ZZEF1: variants seen among roughly 807,000 people sequenced by gnomAD.
The protein encoded by ZZEF1 is zinc finger ZZ-type and EF-hand domain-containing protein 1.
ZZEF1 carries 157 observed loss-of-function variants against 342.8 expected under a neutral mutation model. The ratio of observed to expected loss-of-function variants is 0.46; its 90% CI spans 0.40 to 0.52. The LOEUF is 0.52. Among genes scored for constraint, ZZEF1 ranks in the 20% least tolerant of loss-of-function variants. The pLI, the probability that ZZEF1 is intolerant of heterozygous loss-of-function variation, is 0.00. For missense variants in ZZEF1, 3,480 were observed against 3,725.6 expected, an observed-to-expected ratio of 0.93 and a Z score of 1.72; for synonymous variants, 1,505 against 1,429.1, an observed-to-expected ratio of 1.05 and a Z score of -1.20.
intron 37 of ZZEF1, among the ~76,000 whole-genome samples, chr17:4,047,668 C>T (rs993862725): frequency 7.6e-5 from 11 of 144,608 alleles, no homozygotes; most frequent in African/African-American, 2.1e-4. Flanking sequence ...AGTGGCCGGG[C>T]GCAGTGGCTC....
At chr17:4,026,835 T>C (rs954538689) in intron 42 of ZZEF1, among the ~76,000 whole-genome samples, 1 of 152,086 alleles carries the variant, frequency 6.6e-6, no homozygotes, top group African/African-American at 2.4e-5. Context: ...AGTATTTAAG[T>C]ACATCTTTAA....
In ZZEF1 at chr17:4,105,000, G is replaced by T. The variant is rs533309627; in HGVS notation, c.1395-189C>A. Among the ~76,000 whole-genome samples the T allele has an allele frequency of 2.0e-5, 3 of 152,228 alleles. No individual in the cohort carries two copies. The East Asian group carries it at 5.8e-4, about 29-fold the overall frequency. ...AATTAAATCAATCCAGAGAGCCAGG[G>T]AATGAAAGCCTCACTTCTATAATCT... On this transcript the variant is annotated intron_variant, in intron 7 of 54. Coordinates refer to ENST00000381638, the MANE Select transcript of ZZEF1 (RefSeq NM_015113.4).
chr17:4,114,556 G>A (rs184873253), intron 3 of ZZEF1, 86 bp from the exon 4 acceptor site: 165 of 1,138,728 alleles, frequency 1.4e-4, no homozygotes, highest in Middle Eastern at 1.1e-3. Context: ...ACAGAAATAC[G>A]CTTGGTACTC....
At chr17:4,132,692 TGTGGTG>T (rs1567870483) in intron 1 of ZZEF1, among the ~76,000 whole-genome samples, 7 of 121,538 alleles carry the variant, frequency 5.8e-5, no homozygotes, top group Non-Finnish European at 3.7e-5. Flanking sequence ...ATTAGCCGGG[TGTGGTG>T]GCGGGCGCCT....
At chr17:4,096,092 A>C in intron 10 of ZZEF1, 113 bp from the exon 11 acceptor site, 1 of 1,216,312 alleles carries the variant, frequency 8.2e-7, no homozygotes, top group Non-Finnish European at 1.1e-6. Flanking sequence ...CCAATGAAAA[A>C]TATTTCAAAC....
At chr17:4,110,486 G>C (rs2058277988) in intron 5 of ZZEF1, among the ~76,000 whole-genome samples, 1 of 152,108 alleles carries the variant, frequency 6.6e-6, no homozygotes, top group Admixed American at 6.5e-5. Flanking sequence ...ACCTCCCTAG[G>C]CCTCAGTTCC....
chr17:4,039,588 G>A (rs1268758523), intron 39 of ZZEF1, among the ~76,000 whole-genome samples: 1 of 151,816 alleles, frequency 6.6e-6, no homozygotes, highest in Admixed American at 6.6e-5. Context: ...AAGTAAAAAT[G>A]GAGTTTTTAA....
chr17:4,078,023 C>A lies in ZZEF1; in HGVS notation c.2849G>T (p.Ser950Ile). Residue 950 changes from serine (S) to isoleucine (I), a missense_variant, in exon 19 of 55, where the codon AGT becomes ATT. Ser to Ile is a moderately radical substitution (Grantham distance 142, BLOSUM62 -2). Transcript: ENST00000381638. ...AGAGCCCACCTCCCCTGGGGCCCCA[C>A]TGAGCATTAACAGCTCGCACTACAA... ...AARECELLML[S>I]GAPGEVGSVL... The A allele has an allele frequency of 6.2e-7, 1 of 1,614,002 alleles. No homozygotes were observed. Among genetic ancestry groups the A allele is most frequent in the Non-Finnish European group, 8.5e-7 (1 of 1,180,002 alleles).
Position 4,051,054 on chromosome 17 carries a change from A to T in ZZEF1, c.5601-11T>A. The T allele has an allele frequency of 6.2e-7, 1 of 1,614,112 alleles. No individual in the cohort carries two copies. Among genetic ancestry groups the T allele is most frequent in the Non-Finnish European group, 8.5e-7 (1 of 1,180,046 alleles). On this transcript the variant is annotated splice_polypyrimidine_tract_variant and intron_variant, in intron 35 of 54. Coordinates refer to ENST00000381638, the MANE Select transcript of ZZEF1 (RefSeq NM_015113.4). ...TGGGTAGGCAAATGGCTGCAAAGGCAAGACACATTTAAAGCTTACAACCCT... is the reference window on the plus strand; with the variant it reads ...TGGGTAGGCAAATGGCTGCAAAGGCTAGACACATTTAAAGCTTACAACCCT...
Position 4,090,804 on chromosome 17 carries a change from C to T in ZZEF1, c.1940G>A (p.Gly647Glu), listed in dbSNP as rs761429878. 27 of 1,614,002 alleles carry T rather than the reference C, an allele frequency of 1.7e-5. No homozygotes were observed. In the Admixed American group the frequency reaches 4.3e-4, roughly 26 times the overall value. Residue 647 changes from glycine to glutamate, a missense_variant, in exon 12 of 55, where the codon GGA becomes GAA. Coordinates refer to ENST00000381638, the MANE Select transcript of ZZEF1 (RefSeq NM_015113.4). ...SRIGCSSDDL[G>E]EDDPIGWFEL... is the part of the protein sequence containing the mutation. The stretch of plus-strand genomic sequence containing the variant: ...AAACCAGCCAATAGGATCATCCTCT[C>T]CAAGGTCATCAGATGAGCAACCAAT...
At chr17:4,038,450 A>T (rs887179468) in intron 39 of ZZEF1, among the ~76,000 whole-genome samples, 1 of 152,244 alleles carries the variant, frequency 6.6e-6, no homozygotes, top group Non-Finnish European at 1.5e-5. Flanking sequence ...AGTGAAAATG[A>T]ATAAAGGAAA....
rs2056603366 is a variant in ZZEF1 at position 4,033,883 on chromosome 17, T to C, written c.6584+132A>G. ...AGCATTGCTCATGAACCTAATTCTATTTCCACAAAACTCTCAGACAACACA... is the reference window on the plus strand; with the variant it reads ...AGCATTGCTCATGAACCTAATTCTACTTCCACAAAACTCTCAGACAACACA... On this transcript the variant is annotated intron_variant, in intron 40 of 54. Transcript: ENST00000381638. 8.0e-6 allele frequency: 10 copies of C among 1,251,794 alleles called. No homozygotes were observed. The South Asian group carries it at 1.0e-4, about 13-fold the overall frequency. The allele number at this position is 1,251,794 out of a possible 1,614,324, so 77.5% of individuals were successfully genotyped here.
At position 4,042,536 on chromosome 17, in the gene ZZEF1, GCTTCTGAGATGACA is replaced by G; in HGVS notation, c.6185_6198del (p.Val2062AlafsTer12). On this transcript the variant is annotated frameshift_variant, in exon 39 of 55. Transcript: ENST00000381638. LOFTEE classifies it high-confidence loss of function. ...GGAGTAACTGCTTTTTCCTCTATGG[GCTTCTGAGATGACA>G]CTTCTGAATCTTCAGCATCTAAGTG... The G allele has an allele frequency of 6.2e-7, 1 of 1,613,512 alleles. No homozygotes were observed. Among genetic ancestry groups the G allele is most frequent in the South Asian group, 1.1e-5 (1 of 90,918 alleles).
Position 4,087,422 on chromosome 17 carries a change from A to T in ZZEF1, c.2342+12T>A, listed in dbSNP as rs770807923. The T allele has an allele frequency of 1.9e-6, 3 of 1,601,522 alleles. No homozygotes were observed. The East Asian group carries it at 6.7e-5, about 36-fold the overall frequency. ...TTATGTGCTTATCACCTTATAACAA[A>T]TTCTGACCTACTTTTGCTTTAATTT... On this transcript the variant is annotated intron_variant, in intron 14 of 54. Coordinates refer to ENST00000381638, the MANE Select transcript of ZZEF1 (RefSeq NM_015113.4).
chr17:4,024,786 G>A lies in ZZEF1; in HGVS notation c.7092+133C>T, dbSNP rs16953649. ...GAAGTTATCTGTGTGTAAGGCCCAC[G>A]CGTTTCTAAAAATAATCAAGATCCT... On this transcript the variant is annotated intron_variant, in intron 43 of 54. Coordinates refer to ENST00000381638, the MANE Select transcript of ZZEF1 (RefSeq NM_015113.4). The A allele has an allele frequency of 0.051, 43,346 of 858,296 alleles. 1,385 individuals carry two copies. The highest frequency in any genetic ancestry group is 0.058 in the Non-Finnish European group (30,361 of 520,412). 53.2% of individuals were successfully genotyped at this position (858,296 alleles called of 1,614,324 possible).
chr17:4,015,590 C>G (rs896530773), intron 49 of ZZEF1, among the ~76,000 whole-genome samples: 4 of 152,176 alleles, frequency 2.6e-5, no homozygotes, highest in African/African-American at 9.7e-5. Flanking sequence ...TATGGTGAAA[C>G]CCCGTCTCTA....
At chr17:4,115,765 T>C (rs765738281) in intron 3 of ZZEF1, among the ~76,000 whole-genome samples, 2 of 152,210 alleles carry the variant, frequency 1.3e-5, no homozygotes, top group South Asian at 4.1e-4. Context: ...ATCTGTAATA[T>C]GTTATAAAAT....
chr17:4,017,706 C>T lies in ZZEF1; in HGVS notation c.7666G>A (p.Ala2556Thr). ...CLSRPARCDQ[A>T]TAESNPVTQK... ...GTCACAGGGTTCGATTCAGCAGTGG[C>T]TTGGTCACAGCGTGCAGGCCGGGAC... Residue 2556 changes from alanine to threonine, a missense_variant, in exon 48 of 55, where the codon GCC becomes ACC. Transcript: ENST00000381638. The surrounding 1 kb of genome is among the most constrained non-coding windows in gnomAD (Gnocchi z 5.1). 6.2e-7 allele frequency: 1 copy of T among 1,613,244 alleles called. No individual in the cohort carries two copies.
chr17:4,046,479 G>C (rs1414976104), intron 37 of ZZEF1, among the ~76,000 whole-genome samples: 1 of 152,196 alleles, frequency 6.6e-6, no homozygotes, highest in Non-Finnish European at 1.5e-5. Context: ...TTCACTCTTT[G>C]GGGCCAAAGG....
Sources: gnomAD v4.1 joint callset for allele counts (sites outside exome capture counted in the v4.1 genomes callset) on GRCh38, gnomAD v4.1.1 for gene constraint, Gnocchi (gnomAD v3.1) non-coding constraint, MANE v1.5 for transcripts, NCBI Gene and HGNC (gene_info 2026-07-23, HGNC 2026-07-21) for gene names.